CHCHD6: variants seen among roughly 807,000 people sequenced by gnomAD.
CHCHD6 encodes coiled-coil-helix-coiled-coil-helix domain containing 6.
In CHCHD6, 28 loss-of-function variants were observed where a neutral mutation model predicts 32.3. That is an observed-to-expected ratio of 0.87 (90% CI 0.64 to 1.19). The LOEUF is 1.19. Among genes scored for constraint, CHCHD6 ranks in the 50% most tolerant of loss-of-function variants. CHCHD6 has a pLI of 0.00. For synonymous variants in CHCHD6, 122 were observed against 117.5 expected (o/e 1.04, Z -0.25); for missense variants, 333 against 307.0 (o/e 1.08, Z -0.63).
At chr3:126,774,945 A>G (rs1937609132) in intron 4 of CHCHD6, among the ~76,000 whole-genome samples, 1 of 152,142 alleles carries the variant, frequency 6.6e-6, no homozygotes, top group Non-Finnish European at 1.5e-5. Flanking sequence ...GTCTGAGATA[A>G]TGAGGCAAGA....
chr3:126,738,459 C>T lies in CHCHD6; in HGVS notation c.411+5237C>T, dbSNP rs544345478. The stretch of plus-strand genomic sequence containing the variant: ...TGGAGGATTGATTTTGGTTTTACTA[C>T]AGCTGTAGCCTTTCTAACAGTCCTC... On this transcript the variant is annotated intron_variant, in intron 4 of 7. Transcript: ENST00000290913. 1.7e-4 allele frequency among the ~76,000 whole-genome samples: 26 copies of T among 152,326 alleles called. No homozygotes were observed. The South Asian group carries it at 4.4e-3, about 26-fold the overall frequency.
intron 4 of CHCHD6, among the ~76,000 whole-genome samples, chr3:126,838,382 C>G (rs1207662494): frequency 6.6e-6 from 1 of 152,132 alleles, no homozygotes; most frequent in African/African-American, 2.4e-5. Flanking sequence ...AGAGAAGCAG[C>G]CTCTCCTGAT....
chr3:126,717,840 A>G (rs1410074704), intron 1 of CHCHD6, among the ~76,000 whole-genome samples: 2 of 152,096 alleles, frequency 1.3e-5, no homozygotes, highest in Admixed American at 6.5e-5. Context: ...TTTGACTCAG[A>G]CTGTCTGTGG....
chr3:126,740,253 T>C (rs1388574837), intron 4 of CHCHD6, among the ~76,000 whole-genome samples: 2 of 152,160 alleles, frequency 1.3e-5, no homozygotes, highest in Non-Finnish European at 2.9e-5. Flanking sequence ...AGCTGCAGAC[T>C]ACTGTTGCTT....
intron 6 of CHCHD6, among the ~76,000 whole-genome samples, chr3:126,948,759 G>T (rs558976541): frequency 3.3e-5 from 5 of 152,204 alleles, no homozygotes; most frequent in Admixed American, 3.3e-4. Context: ...GAACATATAG[G>T]TTTGTGCTAC....
At chr3:126,775,148 A>C (rs888846622) in intron 4 of CHCHD6, among the ~76,000 whole-genome samples, 4 of 152,192 alleles carry the variant, frequency 2.6e-5, no homozygotes, top group African/African-American at 9.6e-5. Flanking sequence ...TTTTGACCTA[A>C]ATTTCAAAGA....
At chr3:126,726,535 A>G (rs1935542695) in intron 1 of CHCHD6, among the ~76,000 whole-genome samples, 1 of 148,810 alleles carries the variant, frequency 6.7e-6, no homozygotes, top group South Asian at 2.3e-4. Context: ...CAGGCTTGCC[A>G]CAGACCTTCA....
chr3:126,875,924 G>T (rs2077533865), intron 5 of CHCHD6, among the ~76,000 whole-genome samples: 1 of 152,140 alleles, frequency 6.6e-6, no homozygotes, highest in Non-Finnish European at 1.5e-5. Context: ...TCATCTCATT[G>T]TCTCTTGTTA....
chr3:126,710,250 C>T (rs982810117), intron 1 of CHCHD6, among the ~76,000 whole-genome samples: 3 of 152,180 alleles, frequency 2.0e-5, no homozygotes, highest in Non-Finnish European at 2.9e-5. Flanking sequence ...ATCCATTGCA[C>T]ATAAATTTAG....
intron 4 of CHCHD6, among the ~76,000 whole-genome samples, chr3:126,833,908 G>A (rs1172429453): frequency 6.6e-6 from 1 of 151,288 alleles, no homozygotes; most frequent in East Asian, 1.9e-4. Flanking sequence ...ACAAAAAATA[G>A]CCGGGCGTAG....
At chr3:126,793,137 T>C (rs564942474) in intron 4 of CHCHD6, among the ~76,000 whole-genome samples, 1 of 152,308 alleles carries the variant, frequency 6.6e-6, no homozygotes, top group Non-Finnish European at 1.5e-5. Context: ...CTTGCTAGCA[T>C]ATAATAGGGT....
chr3:126,925,184 T>A (rs748145165), intron 6 of CHCHD6, among the ~76,000 whole-genome samples: 1 of 152,190 alleles, frequency 6.6e-6, no homozygotes, highest in Non-Finnish European at 1.5e-5. Context: ...GCTGGGTGCC[T>A]GGCACTCCAT....
intron 4 of CHCHD6, among the ~76,000 whole-genome samples, chr3:126,756,487 G>C (rs578006317): frequency 6.6e-4 from 100 of 152,132 alleles, no homozygotes; most frequent in Non-Finnish European, 1.3e-3. Flanking sequence ...CTGTAAGGCA[G>C]GGGGGAAGTG....
In CHCHD6 at chr3:126,746,700, C is replaced by T. The variant is rs1017930835; in HGVS notation, c.411+13478C>T. Reference sequence around the variant, plus strand: ...ACATGTGTGGAATTTCAAGCAGCCGCGAGGCGGGTGCTTTCGATAGCCTAT... The same window carrying T: ...ACATGTGTGGAATTTCAAGCAGCCGTGAGGCGGGTGCTTTCGATAGCCTAT... On this transcript the variant is annotated intron_variant, in intron 4 of 7. Transcript: ENST00000290913. Among the ~76,000 whole-genome samples, 8 of 152,316 alleles carry T rather than the reference C, an allele frequency of 5.3e-5. No individual in the cohort carries two copies. In the East Asian group the frequency reaches 1.5e-3, roughly 29 times the overall value.
chr3:126,737,047 G>A (rs534535496), intron 4 of CHCHD6, among the ~76,000 whole-genome samples: 7 of 152,150 alleles, frequency 4.6e-5, no homozygotes, highest in East Asian at 1.9e-4. Flanking sequence ...TTGGCTGGGC[G>A]CGGTGGCTCA....
chr3:126,924,914 A>G (rs2078301327), intron 6 of CHCHD6, among the ~76,000 whole-genome samples: 1 of 152,164 alleles, frequency 6.6e-6, no homozygotes, highest in Admixed American at 6.5e-5. Context: ...CCAGGCCTCC[A>G]TCACCTGCCT....
At chr3:126,736,041 T>C (rs1936027984) in intron 4 of CHCHD6, among the ~76,000 whole-genome samples, 1 of 152,230 alleles carries the variant, frequency 6.6e-6, no homozygotes, top group Admixed American at 6.5e-5. Flanking sequence ...GCAGATGCTA[T>C]GGCCATTGCT....
intron 1 of CHCHD6, among the ~76,000 whole-genome samples, chr3:126,723,526 T>A (rs1030871375): frequency 1.3e-5 from 2 of 152,238 alleles, no homozygotes; most frequent in South Asian, 4.1e-4. Flanking sequence ...TCTGCATTTT[T>A]TTTTGCAAAA....
At chr3:126,875,593 G>T (rs955641287) in intron 5 of CHCHD6, among the ~76,000 whole-genome samples, 2 of 152,210 alleles carry the variant, frequency 1.3e-5, no homozygotes, top group Non-Finnish European at 2.9e-5. Flanking sequence ...AAAGACTCCC[G>T]AGGCTTCTGG....
Sources: allele counts gnomAD v4.1 joint callset (sites outside exome capture counted in the v4.1 genomes callset), GRCh38; gene constraint gnomAD v4.1.1; transcripts MANE v1.5; gene names NCBI Gene and HGNC (gene_info 2026-07-23, HGNC 2026-07-21).